Variants in MROH2A observed in about 807,000 individuals in gnomAD.
MROH2A encodes maestro heat-like repeat-containing protein family member 2A.
MROH2A carries 174 observed loss-of-function variants against 200.4 expected under a neutral mutation model. The ratio of observed to expected loss-of-function variants is 0.87; its 90% CI spans 0.77 to 0.98. The LOEUF is 0.98. Among genes scored for constraint, MROH2A ranks in the 50% least tolerant of loss-of-function variants. The pLI, the probability that MROH2A is intolerant of heterozygous loss-of-function variation, is 0.00. For synonymous variants in MROH2A, 829 were observed against 840.4 expected (o/e 0.99, Z 0.23); for missense variants, 2,045 against 2,139.6 (o/e 0.96, Z 0.87).
At chr2:233,821,083 A>C (rs1334285667) in intron 31 of MROH2A, among the ~76,000 whole-genome samples, 1 of 152,214 alleles carries the variant, frequency 6.6e-6, no homozygotes, top group Non-Finnish European at 1.5e-5. Context: ...TGAATAACAA[A>C]TTATCACCCA....
Position 233,818,816 on chromosome 2 carries a change from C to A in MROH2A, c.3204+46C>A, listed in dbSNP as rs1294372643. On this transcript the variant is annotated intron_variant, in intron 29 of 41. Coordinates refer to ENST00000389758, the MANE Select transcript of MROH2A (RefSeq NM_001394639.1). ...CTGGGCTGCCAGGCTGGTCTCAGGG[C>A]CCTTGGCCGTCTCTCAGGGAGGGAG... is the stretch of plus-strand genomic sequence containing the variant. 3 of 1,301,012 alleles carry A rather than the reference C, an allele frequency of 2.3e-6. No individual in the cohort carries two copies. The Admixed American group carries it at 6.6e-5, about 28-fold the overall frequency. The allele number at this position is 1,301,012 out of a possible 1,614,324, so 80.6% of individuals were successfully genotyped here.
At chr2:233,783,583 T>C (rs1475006731) in intron 3 of MROH2A, among the ~76,000 whole-genome samples, 2 of 152,150 alleles carry the variant, frequency 1.3e-5, no homozygotes, top group Non-Finnish European at 2.9e-5. Flanking sequence ...TCTCACACTG[T>C]TGCCCAGGCT....
At position 233,804,403 on chromosome 2, in the gene MROH2A, C is replaced by T; in HGVS notation, c.1892-92C>T. 4 of 1,433,402 alleles carry T rather than the reference C, an allele frequency of 2.8e-6. No individual in the cohort carries two copies. The Middle Eastern group carries it at 5.3e-4, about 188-fold the overall frequency. 88.8% of individuals were successfully genotyped at this position (1,433,402 alleles called of 1,614,324 possible). On this transcript the variant is annotated intron_variant, in intron 17 of 41. Transcript: ENST00000389758. ...GTTCATCCATGGAGGGCCTCAAATG[C>T]CACGCTAAGGAGGCATAGAGGGCCT...
chr2:233,813,590 C>T lies in MROH2A; in HGVS notation c.2652-80C>T, dbSNP rs537244350. ...CTCTTCCTCTTCTAGGATGTGTTTC[C>T]GTGCCCAGATTGGGCAGTGGGGCAG... On this transcript the variant is annotated intron_variant, in intron 24 of 41. Transcript: ENST00000389758. The T allele has an allele frequency of 1.2e-3, 951 of 820,962 alleles. 18 individuals are homozygous for T. In the South Asian group the frequency reaches 0.015, roughly 13 times the overall value. The allele number at this position is 820,962 out of a possible 1,614,324, so 50.9% of individuals were successfully genotyped here.
chr2:233,832,643 T>C lies in MROH2A; in HGVS notation c.4902T>C (p.Asn1634=), dbSNP rs1467066199. Residue 1634 remains asparagine, a splice_region_variant and synonymous_variant, in exon 41 of 42, where the codon AAT becomes AAC. Transcript: ENST00000389758. ...AGCTGGACTTCCCAGCATTACGGAA[T>C]TGTGAGTAGTGGAGAGTGTTAGATG... ...LKKLDFPALR[N]SLQELQLDPD... is the part of the protein sequence containing the mutation. 6.5e-7 allele frequency: 1 copy of C among 1,546,482 alleles called. No homozygotes were observed. The highest frequency in any genetic ancestry group is 2.4e-5 in the East Asian group (1 of 40,902).
chr2:233,817,954 G>A (rs1201428537), intron 27 of MROH2A, 48 bp from the exon 28 acceptor site: 10 of 1,549,008 alleles, frequency 6.5e-6, no homozygotes, highest in Non-Finnish European at 8.7e-6. Context: ...AGCCCCAGGT[G>A]TGCATGAGAG....
Position 233,811,904 on chromosome 2 carries a change from G to C in MROH2A, c.2596G>C (p.Asp866His), listed in dbSNP as rs1289033040. 6.4e-7 allele frequency: 1 copy of C among 1,550,420 alleles called. No individual in the cohort carries two copies. The highest frequency in any genetic ancestry group is 1.4e-5 in the African/African-American group (1 of 73,168). The change falls in exon 24 of 42, where the codon GAC becomes CAC. Residue 866 changes from aspartate (D) to histidine (H), a missense_variant. Physicochemically the swap from Asp to His is moderately conservative, Grantham distance 81. This residue lies in a region of MROH2A where 1,201 missense variants were observed against 1,311.3 expected (regional missense o/e 0.92). Transcript: ENST00000389758. ...IVAVIKAEPT[D>H]NLVSPVRALA... ...GGCGGTCATCAAGGCAGAACCGACT[G>C]ACAACCTGGTTTCTCCAGTGCGAGC...
Position 233,806,500 on chromosome 2 carries a change from A to G in MROH2A, c.2053-923A>G, listed in dbSNP as rs185545948. ...CCCACCAAAAAATGGGAAAAAGAAT[A>G]TAGCCAGAAATTCAAAGAATTAAAA... On this transcript the variant is annotated intron_variant, in intron 19 of 41. Transcript: ENST00000389758. 3.6e-3 allele frequency among the ~76,000 whole-genome samples: 547 copies of G among 152,332 alleles called. 2 individuals carry two copies. The highest frequency in any genetic ancestry group is 5.4e-3 in the Non-Finnish European group (365 of 68,028).
chr2:233,795,615 TAGA>T (rs1477860882), intron 8 of MROH2A, 35 bp from the exon 9 acceptor site: 11 of 1,550,496 alleles, frequency 7.1e-6, no homozygotes, highest in Non-Finnish European at 7.0e-6. Flanking sequence ...CTTGAGTTGG[TAGA>T]AGGTCACCTG....
At position 233,818,750 on chromosome 2, in the gene MROH2A, GC is replaced by G; in HGVS notation, c.3185del (p.Ala1062AspfsTer32). 1 of 1,548,378 alleles carries G rather than the reference GC, an allele frequency of 6.5e-7. No individual in the cohort carries two copies. The highest frequency in any genetic ancestry group is 8.7e-7 in the Non-Finnish European group (1 of 1,145,172). On this transcript the variant is annotated frameshift_variant, in exon 29 of 42. Transcript: ENST00000389758. LOFTEE classifies it high-confidence loss of function. The part of the protein sequence containing the change: ...QSTDVEKIFC[A>X]SSRIAKVVCM... Reference sequence around the variant, plus strand: ...CACAGATGTGGAGAAGATCTTCTGTGCATCCTCCAGAATCGCCAAGGTGACA... The same window carrying G: ...CACAGATGTGGAGAAGATCTTCTGTGATCCTCCAGAATCGCCAAGGTGACA...
At chr2:233,780,585 C>A (rs1364203636) in intron 3 of MROH2A, among the ~76,000 whole-genome samples, 1 of 152,036 alleles carries the variant, frequency 6.6e-6, no homozygotes, top group Non-Finnish European at 1.5e-5. Flanking sequence ...TTTGCGTTTT[C>A]CCCCTTTTAT....
At position 233,822,134 on chromosome 2, in the gene MROH2A, GAGGT is replaced by G. The variant is rs1703980671; in HGVS notation, c.3524_3527del (p.Glu1175GlyfsTer19). 1 of 1,549,244 alleles carries G rather than the reference GAGGT, an allele frequency of 6.5e-7. No individual in the cohort carries two copies. Among genetic ancestry groups the G allele is most frequent in the African/African-American group, 1.4e-5 (1 of 73,046 alleles). On this transcript the variant is annotated frameshift_variant, in exon 32 of 42. Transcript: ENST00000389758. LOFTEE classifies it high-confidence loss of function. Reference sequence around the variant, plus strand: ...CCTGACTTTGGTTAGCCACCTGGCAGAGGTGTGGCTGGCAGTGTCGGAGAACGTG... The same window carrying G: ...CCTGACTTTGGTTAGCCACCTGGCAGGTGGCTGGCAGTGTCGGAGAACGTG...
chr2:233,785,120 T>C (rs571283133), intron 3 of MROH2A, among the ~76,000 whole-genome samples: 1 of 150,818 alleles, frequency 6.6e-6, no homozygotes, highest in Non-Finnish European at 1.5e-5. Flanking sequence ...CACTCCAGCC[T>C]GGATGAAAGA....
In MROH2A at chr2:233,814,572, T is replaced by C; in HGVS notation, c.2761-10T>C. The C allele has an allele frequency of 1.3e-6, 2 of 1,548,332 alleles. No homozygotes were observed. The highest frequency in any genetic ancestry group is 1.7e-6 in the Non-Finnish European group (2 of 1,145,446). Reference sequence around the variant, plus strand: ...ATTGCCGCCTATCTCTCTCTCCCTCTTGGCTGTAGACCCTGTATGCAAATG... The same window carrying C: ...ATTGCCGCCTATCTCTCTCTCCCTCCTGGCTGTAGACCCTGTATGCAAATG... On this transcript the variant is annotated splice_polypyrimidine_tract_variant and intron_variant, in intron 25 of 41. Coordinates refer to ENST00000389758, the MANE Select transcript of MROH2A (RefSeq NM_001394639.1).
intron 1 of MROH2A, among the ~76,000 whole-genome samples, chr2:233,778,825 G>A (rs1056423703): frequency 6.6e-6 from 1 of 152,204 alleles, no homozygotes; most frequent in Non-Finnish European, 1.5e-5. Context: ...TAAACTCAGT[G>A]GCTTAAAAGA....
At chr2:233,780,422 C>G (rs557015613) in intron 3 of MROH2A, among the ~76,000 whole-genome samples, 2 of 152,182 alleles carry the variant, frequency 1.3e-5, no homozygotes, top group African/African-American at 4.8e-5. Context: ...AACAAGTTCC[C>G]AGGTGATGCC....
At chr2:233,796,852 G>A (rs1702145183) in intron 11 of MROH2A, among the ~76,000 whole-genome samples, 1 of 152,218 alleles carries the variant, frequency 6.6e-6, no homozygotes, top group Non-Finnish European at 1.5e-5. Flanking sequence ...CTAAAGTTGG[G>A]TAGCTTTGTT....
At chr2:233,821,798 G>A (rs1703952754) in intron 31 of MROH2A, among the ~76,000 whole-genome samples, 1 of 152,030 alleles carries the variant, frequency 6.6e-6, no homozygotes, top group Non-Finnish European at 1.5e-5. Context: ...TGCAAATTGG[G>A]CACTAGGAGG....
chr2:233,804,273 A>T (rs1211894698), intron 17 of MROH2A, 81 bp downstream of exon 17: 19 of 1,514,812 alleles, frequency 1.3e-5, no homozygotes, highest in Non-Finnish European at 1.7e-5. Flanking sequence ...GACTTGAATA[A>T]CGAGAGCTGA....
Sources: allele counts gnomAD v4.1 joint callset (sites outside exome capture counted in the v4.1 genomes callset), GRCh38; gene constraint gnomAD v4.1.1; regional missense constraint gnomAD v4.1.1; transcripts MANE v1.5; gene names NCBI Gene and HGNC (gene_info 2026-07-23, HGNC 2026-07-21).